EVI5L: variants seen among roughly 807,000 people sequenced by gnomAD.
EVI5L encodes EVI5-like protein.
In EVI5L, 30 loss-of-function variants were observed where a neutral mutation model predicts 106.1. That is an observed-to-expected ratio of 0.28 (90% CI 0.21 to 0.38). The LOEUF is 0.38. Ranked by LOEUF, EVI5L falls within the 10% of genes least tolerant of loss-of-function variation. EVI5L has a pLI of 1.00. For synonymous variants in EVI5L, 489 were observed against 483.3 expected (o/e 1.01, Z -0.15); for missense variants, 809 against 1,098.0 (o/e 0.74, Z 3.72).
intron 8 of EVI5L, 115 bp from the exon 9 acceptor site, chr19:7,852,971 G>A (rs1979329240): frequency 2.1e-6 from 2 of 938,414 alleles, no homozygotes; most frequent in South Asian, 3.0e-5. Context: ...TTGAGGACAT[G>A]GCGACACCCC....
chr19:7,846,709 A>T, intron 2 of EVI5L, 30 bp downstream of exon 2: 1 of 1,605,308 alleles, frequency 6.2e-7, no homozygotes, highest in Non-Finnish European at 8.5e-7. Flanking sequence ...ATGGGGTGAA[A>T]TCTTGGGGTG....
intron 1 of EVI5L, among the ~76,000 whole-genome samples, chr19:7,833,659 G>C (rs969966638): frequency 3.3e-5 from 5 of 152,224 alleles, no homozygotes; most frequent in African/African-American, 1.2e-4. Flanking sequence ...AGCAAGCGTG[G>C]TGCGCTCAGG....
At chr19:7,838,092 T>TCAA (rs1978429399) in intron 1 of EVI5L, among the ~76,000 whole-genome samples, 1 of 103,906 alleles carries the variant, frequency 9.6e-6, no homozygotes, top group Non-Finnish European at 2.1e-5. Context: ...TTTTTTTTGG[T>TCAA]TGGTTTTTTT....
chr19:7,843,406 TGTGAGA>T (rs1568235272), intron 1 of EVI5L, among the ~76,000 whole-genome samples: 5 of 80,122 alleles, frequency 6.2e-5, no homozygotes, highest in Non-Finnish European at 1.1e-4. Context: ...GGTGTGTGAG[TGTGAGA>T]ATAGGCATGG....
Position 7,851,356 on chromosome 19 carries a change from C to T in EVI5L, c.754-78C>T, listed in dbSNP as rs953575042. Reference sequence around the variant, plus strand: ...CAGGTCCAGGAAGGCTCCCTGGAGGCGGGGACACTGAGGCCCAGCACCCCC... The same window carrying T: ...CAGGTCCAGGAAGGCTCCCTGGAGGTGGGGACACTGAGGCCCAGCACCCCC... On this transcript the variant is annotated intron_variant, in intron 6 of 19. Coordinates refer to ENST00000538904, the MANE Select transcript of EVI5L (RefSeq NM_001159944.3). 1.8e-5 allele frequency: 27 copies of T among 1,523,186 alleles called. No homozygotes were observed. The East Asian group carries it at 4.4e-4, about 25-fold the overall frequency. 94.4% of individuals were successfully genotyped at this position (1,523,186 alleles called of 1,614,324 possible).
At chr19:7,840,681 C>T (rs1016569500) in intron 1 of EVI5L, among the ~76,000 whole-genome samples, 30 of 152,148 alleles carry the variant, frequency 2.0e-4, no homozygotes, top group African/African-American at 7.2e-4. Context: ...TATGGATTGC[C>T]TATTCTGGAC....
chr19:7,857,281 C>T lies in EVI5L; in HGVS notation c.1233+157C>T, dbSNP rs111373827. ...GGACCGCTTCTGGGGGACACAGAGG[C>T]TTCCCGGGGGGGCGGGGCATGTGAA... On this transcript the variant is annotated intron_variant, in intron 12 of 19. Coordinates refer to ENST00000538904, the MANE Select transcript of EVI5L (RefSeq NM_001159944.3). This position sits in a 1 kb window ranked among gnomAD's most constrained non-coding sequence, Gnocchi z 4.5. 2,303 of 976,532 alleles carry T rather than the reference C, an allele frequency of 2.4e-3. 33 individuals carry two copies. The African/African-American group carries it at 0.031, about 13-fold the overall frequency. 60.5% of individuals were successfully genotyped at this position (976,532 alleles called of 1,614,324 possible).
At position 7,863,089 on chromosome 19, in the gene EVI5L, G is replaced by T; in HGVS notation, c.2043+22G>T. The T allele has an allele frequency of 1.1e-6, 1 of 933,752 alleles. No homozygotes were observed. Among genetic ancestry groups the T allele is most frequent in the Non-Finnish European group, 1.7e-6 (1 of 602,448 alleles). 57.8% of individuals were successfully genotyped at this position (933,752 alleles called of 1,614,324 possible). A position where few individuals can be genotyped will look rare whatever the true frequency, so the allele number is the denominator to read the frequency against. On this transcript the variant is annotated intron_variant, in intron 18 of 19. Transcript: ENST00000538904. The surrounding 1 kb of genome is among the most constrained non-coding windows in gnomAD (Gnocchi z 7.7). ...CCAGGTGATCGGCGGGGCCGGGGTC[G>T]GGGGGCGGGGGCGGGGGCAGGGCCC...
At chr19:7,842,438 T>C (rs1978662188) in intron 1 of EVI5L, among the ~76,000 whole-genome samples, 2 of 97,150 alleles carry the variant, frequency 2.1e-5, no homozygotes, top group South Asian at 3.8e-4. Flanking sequence ...TGTGTGCATG[T>C]CTGTGAGAAT....
chr19:7,842,335 G>A (rs2146417010), intron 1 of EVI5L, among the ~76,000 whole-genome samples: 1 of 151,832 alleles, frequency 6.6e-6, no homozygotes, highest in South Asian at 2.1e-4. Flanking sequence ...TATGTATCAA[G>A]TGTGTGCATG....
chr19:7,849,970 GC>G (rs564664184), intron 5 of EVI5L, 26 bp from the exon 6 acceptor site: 12 of 1,564,948 alleles, frequency 7.7e-6, no homozygotes, highest in African/African-American at 1.4e-5. Flanking sequence ...GCTGCCCTGA[GC>G]CCCCCCACCT....
chr19:7,856,975 C>A lies in EVI5L; in HGVS notation c.1201-117C>A. 1 of 1,068,980 alleles carries A rather than the reference C, an allele frequency of 9.4e-7. No homozygotes were observed. The allele number at this position is 1,068,980 out of a possible 1,614,324, so 66.2% of individuals were successfully genotyped here. Reference sequence around the variant, plus strand: ...GTCTTCCCTCCTCTCTCCCCCGCTTCTAGAGATAGTCCACTGCGTTAGTGA... The same window carrying A: ...GTCTTCCCTCCTCTCTCCCCCGCTTATAGAGATAGTCCACTGCGTTAGTGA... On this transcript the variant is annotated intron_variant, in intron 11 of 19. Coordinates refer to ENST00000538904, the MANE Select transcript of EVI5L (RefSeq NM_001159944.3). The surrounding 1 kb of genome is among the most constrained non-coding windows in gnomAD (Gnocchi z 6.6).
intron 1 of EVI5L, among the ~76,000 whole-genome samples, chr19:7,837,672 C>T (rs1230815378): frequency 1.3e-5 from 2 of 151,988 alleles, no homozygotes; most frequent in African/African-American, 2.4e-5. Flanking sequence ...GTGACCTTGA[C>T]GTTTTTGTTT....
intron 4 of EVI5L, 38 bp downstream of exon 4, chr19:7,849,183 G>A: frequency 6.2e-7 from 1 of 1,612,674 alleles, no homozygotes; most frequent in Non-Finnish European, 8.5e-7. Context: ...GGTCCCAAAG[G>A]AAGGAGAAGT....
In EVI5L at chr19:7,857,981, G is replaced by C. The variant is rs577466161; in HGVS notation, c.1234-210G>C. 13 of 579,916 alleles carry C rather than the reference G, an allele frequency of 2.2e-5. No homozygotes were observed. Among genetic ancestry groups the C allele is most frequent in the Non-Finnish European group, 3.7e-5 (12 of 327,152 alleles). 35.9% of individuals were successfully genotyped at this position (579,916 alleles called of 1,614,324 possible). A position where few individuals can be genotyped will look rare whatever the true frequency, so the allele number is the denominator to read the frequency against. ...GCCCAGGGCTAGCTCTGTTCCTCCC[G>C]GGCTCCTCCAGGTGTCCTATTCCTG... On this transcript the variant is annotated intron_variant, in intron 12 of 19. Coordinates refer to ENST00000538904, the MANE Select transcript of EVI5L (RefSeq NM_001159944.3). This position sits in a 1 kb window ranked among gnomAD's most constrained non-coding sequence, Gnocchi z 4.5.
At chr19:7,854,862 T>C (rs1979446086) in intron 10 of EVI5L, among the ~76,000 whole-genome samples, 1 of 152,148 alleles carries the variant, frequency 6.6e-6, no homozygotes, top group Non-Finnish European at 1.5e-5. Flanking sequence ...TCTGCGGTTC[T>C]GTCTGACTGC....
intron 1 of EVI5L, among the ~76,000 whole-genome samples, chr19:7,833,336 GGCCCCCGCCATGTGCTCA>G (rs1236561592): frequency 6.6e-6 from 1 of 152,252 alleles, no homozygotes; most frequent in Non-Finnish European, 1.5e-5. Flanking sequence ...GGCATGCGGC[GGCCCCCGCCATGTGCTCA>G]GCACCATGCC....
chr19:7,863,441 C>T lies in EVI5L; in HGVS notation c.2157C>T (p.Gly719=), dbSNP rs376831992. 35 of 1,548,518 alleles carry T rather than the reference C, an allele frequency of 2.3e-5. 1 individual carries two copies. The African/African-American group carries it at 2.9e-4, about 13-fold the overall frequency. ...CGCCCCAGGTGCGGCTGCTGAAGGG[C>T]CCGCCGCCCTTCGAGGACCCGCTGG... ...ELKAEVRLLK[G]PPPFEDPLAF... Residue 719 remains glycine (G), a synonymous_variant, in exon 20 of 20, where the codon GGC becomes GGT. Transcript: ENST00000538904. This position sits in a 1 kb window ranked among gnomAD's most constrained non-coding sequence, Gnocchi z 7.7.
At chr19:7,842,615 A>C (rs1253509276) in intron 1 of EVI5L, among the ~76,000 whole-genome samples, 3 of 148,532 alleles carry the variant, frequency 2.0e-5, no homozygotes, top group African/African-American at 7.5e-5. Context: ...GGTGTGTATC[A>C]AGTGTGTGCG....
Sources: allele counts gnomAD v4.1 joint callset (sites outside exome capture counted in the v4.1 genomes callset), GRCh38; gene constraint gnomAD v4.1.1; non-coding constraint Gnocchi (gnomAD v3.1); transcripts MANE v1.5; gene names NCBI Gene and HGNC (gene_info 2026-07-23, HGNC 2026-07-21).